Variants in DLG2 observed in about 807,000 individuals in gnomAD.
The protein encoded by DLG2 is discs large MAGUK scaffold protein 2.
In DLG2, 45 loss-of-function variants were observed where a neutral mutation model predicts 132.5. The ratio of observed to expected loss-of-function variants is 0.34; its 90% CI spans 0.27 to 0.44. The LOEUF (loss-of-function observed/expected upper bound fraction) is 0.44. Ranked by LOEUF, DLG2 falls within the 20% of genes least tolerant of loss-of-function variation. The pLI is 1.00. For missense variants in DLG2, 1,045 were observed against 1,196.9 expected, an observed-to-expected ratio of 0.87 and a Z score of 1.87; for synonymous variants, 424 against 419.6, an observed-to-expected ratio of 1.01 and a Z score of -0.13.
intron 6 of DLG2, among the ~76,000 whole-genome samples, chr11:84,688,042 C>G (rs80112631): frequency 0.057 from 8,722 of 152,118 alleles, 322 homozygotes; most frequent in Non-Finnish European, 0.083. Context: ...TATGTGATAG[C>G]AGAGGAAGAG....
intron 3 of DLG2, among the ~76,000 whole-genome samples, chr11:85,529,861 T>TA (rs1429604409): frequency 1.3e-5 from 2 of 152,188 alleles, no homozygotes; most frequent in African/African-American, 4.8e-5. Flanking sequence ...CTTTATCTAC[T>TA]AGTCATGTTA....
intron 4 of DLG2, among the ~76,000 whole-genome samples, chr11:85,198,959 A>T (rs975410672): frequency 3.3e-5 from 5 of 152,160 alleles, no homozygotes; most frequent in Non-Finnish European, 7.3e-5. Flanking sequence ...TTCAAGTTTC[A>T]GGTCTAATGT....
chr11:84,568,766 T>G (rs1374057970), intron 6 of DLG2, among the ~76,000 whole-genome samples: 2 of 152,110 alleles, frequency 1.3e-5, no homozygotes, highest in Non-Finnish European at 2.9e-5. Flanking sequence ...GGCAGGGAGA[T>G]TTCCATTTCT....
chr11:84,513,140 TA>T (rs1429995814), intron 7 of DLG2, among the ~76,000 whole-genome samples: 1 of 150,312 alleles, frequency 6.7e-6, no homozygotes, highest in African/African-American at 2.5e-5. Context: ...TCCCAGAACT[TA>T]AAGTAAAATA....
intron 5 of DLG2, among the ~76,000 whole-genome samples, chr11:85,126,309 T>C (rs759622032): frequency 6.6e-6 from 1 of 152,184 alleles, no homozygotes; most frequent in Non-Finnish European, 1.5e-5. Flanking sequence ...GAGAATCGTA[T>C]ACTTTGGTAA....
intron 7 of DLG2, among the ~76,000 whole-genome samples, chr11:84,340,703 A>T (rs1439009248): frequency 6.6e-6 from 1 of 152,142 alleles, no homozygotes; most frequent in Admixed American, 6.6e-5. Flanking sequence ...TTCTTGCTTC[A>T]TTGCAGGGAA....
At chr11:84,849,308 C>T (rs527316104) in intron 6 of DLG2, among the ~76,000 whole-genome samples, 14 of 152,220 alleles carry the variant, frequency 9.2e-5, no homozygotes, top group African/African-American at 2.9e-4. Context: ...AACAATAAAA[C>T]GTGAAACAGC....
intron 20 of DLG2, among the ~76,000 whole-genome samples, chr11:83,533,122 T>C (rs754778640): frequency 3.9e-5 from 6 of 152,198 alleles, no homozygotes; most frequent in Non-Finnish European, 5.9e-5. Flanking sequence ...AACACCTATA[T>C]TGGAGACTAA....
At chr11:84,730,361 TGG>T (rs2063015351) in intron 6 of DLG2, among the ~76,000 whole-genome samples, 1 of 152,106 alleles carries the variant, frequency 6.6e-6, no homozygotes, top group African/African-American at 2.4e-5. Flanking sequence ...TCAAAATGCT[TGG>T]CACATACTAT....
At chr11:84,889,555 T>C (rs112298552) in intron 6 of DLG2, among the ~76,000 whole-genome samples, 21 of 152,250 alleles carry the variant, frequency 1.4e-4, no homozygotes, top group African/African-American at 5.1e-4. Context: ...AAAAGTGAAA[T>C]GTTCAGCAGG....
chr11:84,292,969 T>G (rs1288561633), intron 7 of DLG2, among the ~76,000 whole-genome samples: 1 of 152,072 alleles, frequency 6.6e-6, no homozygotes, highest in African/African-American at 2.4e-5. Context: ...TTTACAAATA[T>G]GTATTGGGCA....
intron 3 of DLG2, among the ~76,000 whole-genome samples, chr11:85,357,213 T>C (rs893824448): frequency 6.6e-6 from 1 of 150,596 alleles, no homozygotes; most frequent in Admixed American, 6.7e-5. Context: ...GAGAGCAACC[T>C]ATCAGATTCC....
intron 3 of DLG2, among the ~76,000 whole-genome samples, chr11:85,578,770 T>A (rs954451343): frequency 6.6e-6 from 1 of 152,202 alleles, no homozygotes; most frequent in African/African-American, 2.4e-5. Context: ...CAAAAGCTTA[T>A]ACACTATTAG....
At chr11:84,024,044 G>A (rs1318595911) in intron 11 of DLG2, among the ~76,000 whole-genome samples, 2 of 152,022 alleles carry the variant, frequency 1.3e-5, no homozygotes, top group Non-Finnish European at 2.9e-5. Flanking sequence ...ATACTAGTAG[G>A]CTGTTCATAG....
chr11:84,413,282 G>A (rs145028678), intron 7 of DLG2, among the ~76,000 whole-genome samples: 50 of 152,290 alleles, frequency 3.3e-4, no homozygotes, highest in African/African-American at 1.2e-3. Flanking sequence ...CTGCTGATAT[G>A]AAAGAACAGC....
At chr11:83,780,185 T>C (rs1403627865) in intron 18 of DLG2, among the ~76,000 whole-genome samples, 1 of 152,230 alleles carries the variant, frequency 6.6e-6, no homozygotes, top group Non-Finnish European at 1.5e-5. Context: ...ATTGTAAGTA[T>C]GCTTCTTGGA....
At chr11:85,219,054 A>T (rs903623030) in intron 4 of DLG2, among the ~76,000 whole-genome samples, 1 of 152,168 alleles carries the variant, frequency 6.6e-6, no homozygotes, top group Non-Finnish European at 1.5e-5. Context: ...TATGAGAACA[A>T]TAGATGCTTA....
intron 5 of DLG2, among the ~76,000 whole-genome samples, chr11:85,143,161 A>G (rs2076607242): frequency 6.6e-6 from 1 of 151,760 alleles, no homozygotes; most frequent in African/African-American, 2.4e-5. Flanking sequence ...AGAATTCATC[A>G]GTAAAGTCAT....
At chr11:85,195,943 G>A (rs1361098929) in intron 4 of DLG2, among the ~76,000 whole-genome samples, 1 of 152,138 alleles carries the variant, frequency 6.6e-6, no homozygotes, top group African/African-American at 2.4e-5. Flanking sequence ...GCAAAAAGAT[G>A]TATACTCACT....
Sources: gnomAD v4.1 joint callset for allele counts (sites outside exome capture counted in the v4.1 genomes callset) on GRCh38, gnomAD v4.1.1 for gene constraint, MANE v1.5 for transcripts, NCBI Gene and HGNC (gene_info 2026-07-23, HGNC 2026-07-21) for gene names.